ITGBL1: variants seen among roughly 807,000 people sequenced by gnomAD.
The protein encoded by ITGBL1 is integrin subunit beta like 1.
ITGBL1 carries 51 observed loss-of-function variants against 68.5 expected under a neutral mutation model. The ratio of observed to expected loss-of-function variants is 0.74; its 90% CI spans 0.59 to 0.94. The LOEUF is 0.94. ITGBL1 is among the 40% of genes least tolerant of loss of function. The pLI, the probability that ITGBL1 is intolerant of heterozygous loss-of-function variation, is 0.00. For synonymous variants in ITGBL1, 209 were observed against 227.3 expected (o/e 0.92, Z 0.72); for missense variants, 649 against 647.4 (o/e 1.00, Z -0.03).
chr13:101,540,857 T>A (rs1395164325), intron 2 of ITGBL1, among the ~76,000 whole-genome samples: 1 of 145,232 alleles, frequency 6.9e-6, no homozygotes, highest in Non-Finnish European at 1.5e-5. Context: ...TCTCTGTTTG[T>A]CTGTTATTGG....
rs76218205 is a variant in ITGBL1 at position 101,592,938 on chromosome 13, C to G, written c.869-5215C>G. ...AATGGAAGGACATCAAACTGACAAG[C>G]TTTTGATCAACAAAGGAAGCAACTA... is the stretch of plus-strand genomic sequence containing the variant. On this transcript the variant is annotated intron_variant, in intron 6 of 10. Transcript: ENST00000376180. 2.6e-5 allele frequency among the ~76,000 whole-genome samples: 4 copies of G among 152,108 alleles called. No homozygotes were observed. In the East Asian group the frequency reaches 7.7e-4, roughly 29 times the overall value.
At chr13:101,463,278 G>T (rs942083649) in intron 2 of ITGBL1, among the ~76,000 whole-genome samples, 1 of 152,012 alleles carries the variant, frequency 6.6e-6, no homozygotes, top group African/African-American at 2.4e-5. Context: ...GATAGTCTTT[G>T]AACTATTATA....
chr13:101,612,394 A>G (rs2031174931), intron 7 of ITGBL1, among the ~76,000 whole-genome samples: 1 of 152,196 alleles, frequency 6.6e-6, no homozygotes, highest in Non-Finnish European at 1.5e-5. Context: ...GGAAGTTAAA[A>G]GGAATGTGAA....
intron 7 of ITGBL1, among the ~76,000 whole-genome samples, chr13:101,605,438 A>G (rs1421707157): frequency 6.6e-6 from 1 of 151,592 alleles, no homozygotes; most frequent in African/African-American, 2.4e-5. Context: ...AGACATGTAT[A>G]TGCGTATATA....
Position 101,656,398 on chromosome 13 carries a change from A to G in ITGBL1, c.1016-36187A>G, listed in dbSNP as rs1021153886. On this transcript the variant is annotated intron_variant, in intron 7 of 10. Transcript: ENST00000376180. ...TTGCAGGTCCATTTCAACATATGGCAGGGAAACATGTTTTGGGCTAAAATA... is the reference window on the plus strand; with the variant it reads ...TTGCAGGTCCATTTCAACATATGGCGGGGAAACATGTTTTGGGCTAAAATA... Among the ~76,000 whole-genome samples the G allele has an allele frequency of 1.8e-4, 28 of 152,218 alleles. 1 individual carries two copies. Among genetic ancestry groups the G allele is most frequent in the Admixed American group, 1.8e-3 (28 of 15,282 alleles).
At chr13:101,528,909 A>G (rs1292023835) in intron 2 of ITGBL1, among the ~76,000 whole-genome samples, 1 of 152,050 alleles carries the variant, frequency 6.6e-6, no homozygotes, top group Non-Finnish European at 1.5e-5. Context: ...AACTAGTCAA[A>G]TAAAATAAAT....
chr13:101,645,581 G>A (rs2032532251), intron 7 of ITGBL1, among the ~76,000 whole-genome samples: 1 of 152,088 alleles, frequency 6.6e-6, no homozygotes, highest in Admixed American at 6.5e-5. Flanking sequence ...CTCTCATTCG[G>A]GGAAATTAAG....
intron 7 of ITGBL1, among the ~76,000 whole-genome samples, chr13:101,633,835 G>C (rs1381388910): frequency 6.6e-6 from 1 of 152,062 alleles, no homozygotes; most frequent in Non-Finnish European, 1.5e-5. Context: ...GGGATAGGCT[G>C]ATTATGTATT....
intron 2 of ITGBL1, among the ~76,000 whole-genome samples, chr13:101,554,740 TCCTGGGGTGGGGCAGGGGACAGGGC>T (rs2049977865): frequency 6.6e-6 from 1 of 152,178 alleles, no homozygotes; most frequent in Admixed American, 6.5e-5. Context: ...ACTCCACCCC[TCCTGGGGTGGGGCAGGGGACAGGGC>T]CCTTTTGTGG....
chr13:101,714,767 TG>T (rs2034637960), intron 10 of ITGBL1: 1 of 536,678 alleles, frequency 1.9e-6, no homozygotes, highest in African/African-American at 1.9e-5. Context: ...AGCTAAATTT[TG>T]TGATTATTTG....
intron 7 of ITGBL1, among the ~76,000 whole-genome samples, chr13:101,605,778 ATATG>A (rs1229118947): frequency 1.7e-4 from 2 of 12,060 alleles, no homozygotes; most frequent in African/African-American, 4.6e-4. Flanking sequence ...GTGTGTAGGC[ATATG>A]TATGTGCGTA....
intron 2 of ITGBL1, among the ~76,000 whole-genome samples, chr13:101,519,551 G>C (rs1594861306): frequency 6.6e-6 from 1 of 151,760 alleles, no homozygotes; most frequent in Admixed American, 6.6e-5. Flanking sequence ...CCTTCTTCCT[G>C]CTTTCCAATA....
At chr13:101,486,142 C>G (rs935272113) in intron 2 of ITGBL1, among the ~76,000 whole-genome samples, 1 of 152,042 alleles carries the variant, frequency 6.6e-6, no homozygotes, top group African/African-American at 2.4e-5. Context: ...ATATATACAC[C>G]AGGGAATACT....
At chr13:101,720,682 CTA>C (rs1309093242), downstream of ITGBL1, 5 of 151,942 alleles carry the variant, frequency 3.3e-5, no homozygotes, top group East Asian at 3.9e-4. Flanking sequence ...ATTATGGGAT[CTA>C]TGTTTTCTGA....
intron 6 of ITGBL1, among the ~76,000 whole-genome samples, chr13:101,594,144 A>G (rs1317232852): frequency 1.3e-5 from 2 of 152,160 alleles, no homozygotes; most frequent in Non-Finnish European, 2.9e-5. Flanking sequence ...TTCAGCAAGA[A>G]CAAAGCTGAA....
At chr13:101,691,765 TC>T (rs1254198330) in intron 7 of ITGBL1, among the ~76,000 whole-genome samples, 1 of 152,208 alleles carries the variant, frequency 6.6e-6, no homozygotes, top group Non-Finnish European at 1.5e-5. Flanking sequence ...TGAATCTATT[TC>T]TTCCTAGCTG....
At chr13:101,690,358 T>C (rs2033855932) in intron 7 of ITGBL1, among the ~76,000 whole-genome samples, 1 of 152,188 alleles carries the variant, frequency 6.6e-6, no homozygotes. Context: ...TCAGGAAAAT[T>C]ACTTAAAATG....
chr13:101,657,572 A>G (rs2032965190), intron 7 of ITGBL1, among the ~76,000 whole-genome samples: 1 of 152,198 alleles, frequency 6.6e-6, no homozygotes, highest in African/African-American at 2.4e-5. Context: ...TTAGCTAAAT[A>G]TGCCTAAACT....
chr13:101,704,484 TA>T (rs57687698), intron 8 of ITGBL1, among the ~76,000 whole-genome samples: 19 of 105,348 alleles, frequency 1.8e-4, no homozygotes, highest in African/African-American at 4.1e-4. Flanking sequence ...ATTCATTCAG[TA>T]AAAAAAAAAA....
Sources: gnomAD v4.1 joint callset for allele counts (sites outside exome capture counted in the v4.1 genomes callset) on GRCh38, gnomAD v4.1.1 for gene constraint, MANE v1.5 for transcripts, NCBI Gene and HGNC (gene_info 2026-07-23, HGNC 2026-07-21) for gene names.